The following IL13RA1 variants were observed in gnomAD, a reference collection of about 807,000 sequenced individuals.
The protein encoded by IL13RA1 is interleukin-13 receptor subunit alpha-1.
IL13RA1 carries 14 observed loss-of-function variants against 33.8 expected under a neutral mutation model. The ratio of observed to expected loss-of-function variants is 0.41; its 90% confidence interval spans 0.27 to 0.65. The LOEUF is 0.65. Ranked by LOEUF, IL13RA1 falls within the 30% of genes least tolerant of loss-of-function variation. The pLI is 0.28. For synonymous variants in IL13RA1, 116 were observed against 115.7 expected (o/e 1.00, Z -0.02); for missense variants, 313 against 327.0 (o/e 0.96, Z 0.33).
intron 9 of IL13RA1, among the ~76,000 whole-genome samples, chrX:118,776,067 G>C (rs2017777753): frequency 9.0e-6 from 1 of 110,947 alleles, no homozygotes; most frequent in African/African-American, 3.3e-5. Flanking sequence ...GAAGTAGGAA[G>C]GAAAAAGAAA....
At chrX:118,799,172 C>T (rs1317980169), downstream of IL13RA1, among the ~76,000 whole-genome samples, 3 of 113,376 alleles carry the variant, frequency 2.6e-5, no homozygotes, top group African/African-American at 6.4e-5. Flanking sequence ...GATTTCTCAC[C>T]GAGCCTTAGC....
chrX:118,763,196 T>TA (rs925030781), intron 6 of IL13RA1, among the ~76,000 whole-genome samples: 3 of 112,272 alleles, frequency 2.7e-5, no homozygotes, highest in African/African-American at 6.5e-5. Flanking sequence ...TGATATTTTT[T>TA]AAAAAAAGAA....
At chrX:118,772,553 TA>T (rs750839272) in intron 8 of IL13RA1, among the ~76,000 whole-genome samples, 31 of 112,104 alleles carry the variant, frequency 2.8e-4, no homozygotes, top group African/African-American at 1.0e-3. Context: ...TATTTTTATT[TA>T]AAAAAACCTT....
chrX:118,747,388 C>T (rs1213448934), intron 3 of IL13RA1, among the ~76,000 whole-genome samples: 2 of 109,771 alleles, frequency 1.8e-5, no homozygotes, highest in Non-Finnish European at 1.9e-5. Flanking sequence ...CACACACGCA[C>T]ACCCCTCCTT....
At chrX:118,776,609 A>G in intron 10 of IL13RA1, 98 bp downstream of exon 10, 2 of 420,173 alleles carry the variant, frequency 4.8e-6, no homozygotes, top group Non-Finnish European at 8.2e-6. Flanking sequence ...TATCCATAAC[A>G]TAAAATTTAT....
At chrX:118,735,899 T>C (rs1160596887) in intron 1 of IL13RA1, among the ~76,000 whole-genome samples, 1 of 111,447 alleles carries the variant, frequency 9.0e-6, no homozygotes, top group African/African-American at 3.3e-5. Context: ...ACCCCCATAA[T>C]GCATACACTG....
intron 1 of IL13RA1, among the ~76,000 whole-genome samples, chrX:118,731,930 T>A (rs2489870): frequency 9.0e-6 from 1 of 111,460 alleles, no homozygotes; most frequent in Non-Finnish European, 1.9e-5. Flanking sequence ...TAATCATCAC[T>A]TAATCATATA....
chrX:118,753,249 A>G (rs1603212136), intron 4 of IL13RA1, among the ~76,000 whole-genome samples: 2 of 112,147 alleles, frequency 1.8e-5, no homozygotes, highest in Admixed American at 1.9e-4. Flanking sequence ...GGGATATACT[A>G]GCAAAAACAA....
the IL13RA1 span, among the ~76,000 whole-genome samples, chrX:118,802,116 G>A: frequency 9.0e-6 from 1 of 111,184 alleles, no homozygotes; most frequent in East Asian, 2.8e-4. Flanking sequence ...TTTAACATGT[G>A]AGGGTTGCCG....
downstream of IL13RA1, among the ~76,000 whole-genome samples, chrX:118,797,135 T>G (rs1163497283): frequency 8.9e-6 from 1 of 112,102 alleles, no homozygotes; most frequent in Non-Finnish European, 1.9e-5. Context: ...TGGAGTTCAT[T>G]TGGAAGTGAG....
chrX:118,766,825 T>C lies in IL13RA1; in HGVS notation c.877-19T>C. ...ATAAACTGGTAATATTCCTTGTGTA[T>C]TTTTATTTTATGCCTAAGAATACAT... On this transcript the variant is annotated intron_variant, in intron 7 of 10. Coordinates refer to ENST00000371666, the MANE Select transcript of IL13RA1 (RefSeq NM_001560.3). 2.1e-6 allele frequency: 2 copies of C among 947,407 alleles called. No individual in the cohort carries two copies. The highest frequency in any genetic ancestry group is 3.3e-4 in the Middle Eastern group (1 of 3,022). The allele number at this position is 947,407 out of a possible 1,213,427, so 78.1% of individuals were successfully genotyped here. A position where few individuals can be genotyped will look rare whatever the true frequency, so the allele number is the denominator to read the frequency against.
intron 10 of IL13RA1, among the ~76,000 whole-genome samples, 159 bp from the exon 11 acceptor site, chrX:118,791,603 A>G (rs1446216247): frequency 9.5e-6 from 1 of 104,935 alleles, no homozygotes; most frequent in Non-Finnish European, 1.9e-5. Context: ...TCATTCAGAT[A>G]GATAAAGATT....
At chrX:118,801,980 C>T in the IL13RA1 span, among the ~76,000 whole-genome samples, 19 of 111,802 alleles carry the variant, frequency 1.7e-4, no homozygotes, top group South Asian at 1.1e-3. Context: ...TTTTTCCACT[C>T]TCCCCTCATC....
intron 1 of IL13RA1, among the ~76,000 whole-genome samples, chrX:118,733,100 A>T (rs772063702): frequency 2.0e-4 from 23 of 112,278 alleles, no homozygotes; most frequent in African/African-American, 7.4e-4. Context: ...CAATACTATT[A>T]TGAACCTGGG....
chrX:118,781,353 C>CT (rs75000278), intron 10 of IL13RA1, among the ~76,000 whole-genome samples: 17 of 107,875 alleles, frequency 1.6e-4, no homozygotes, highest in African/African-American at 4.0e-4. Flanking sequence ...CAGTGTGTAT[C>CT]TTTTTTTTTT....
the IL13RA1 span, among the ~76,000 whole-genome samples, chrX:118,802,438 C>A: frequency 8.9e-6 from 1 of 112,176 alleles, no homozygotes; most frequent in Non-Finnish European, 1.9e-5. Flanking sequence ...CAGATGCTGG[C>A]TATAATTACT....
At chrX:118,728,221 C>T (rs1328920178) in intron 1 of IL13RA1, among the ~76,000 whole-genome samples, 1 of 112,393 alleles carries the variant, frequency 8.9e-6, no homozygotes, top group Non-Finnish European at 1.9e-5. Context: ...CGCGCCAATC[C>T]TCACTGTCTA....
intron 10 of IL13RA1, 118 bp from the exon 11 acceptor site, chrX:118,791,644 A>C (rs761511890): frequency 2.9e-6 from 1 of 345,036 alleles, no homozygotes; most frequent in Non-Finnish European, 5.1e-6. Flanking sequence ...AAAACAGGAA[A>C]TCATACCCCT....
intron 6 of IL13RA1, among the ~76,000 whole-genome samples, chrX:118,765,292 G>A (rs1180986457): frequency 1.9e-5 from 2 of 105,098 alleles, no homozygotes; most frequent in African/African-American, 7.1e-5. Context: ...TTTTAGTAGA[G>A]ACGAGGTTTC....
Sources: allele counts gnomAD v4.1 joint callset (sites outside exome capture counted in the v4.1 genomes callset), GRCh38; gene constraint gnomAD v4.1.1; transcripts MANE v1.5; gene names NCBI Gene and HGNC (gene_info 2026-07-23, HGNC 2026-07-21).